FLI1: variants seen among roughly 807,000 people sequenced by gnomAD.
FLI1 encodes the protein Fli-1 proto-oncogene, ETS transcription factor, also known as Friend leukemia integration 1 transcription factor.
In FLI1, 13 loss-of-function variants were observed where a neutral mutation model predicts 53.1. The observed-to-expected ratio is 0.24, with a 90% CI of 0.16 to 0.39. FLI1 has a LOEUF of 0.39. Among genes scored for constraint, FLI1 ranks in the 10% least tolerant of loss-of-function variants. FLI1 has a pLI of 1.00. For synonymous variants in FLI1, 244 were observed against 236.7 expected (o/e 1.03, Z -0.28); for missense variants, 424 against 600.5 (o/e 0.71, Z 3.07).
At chr11:128,696,125 T>C (rs1938062714) in intron 1 of FLI1, 1 of 152,238 alleles carries the variant, frequency 6.6e-6, no homozygotes, top group South Asian at 2.1e-4. Flanking sequence ...GAGAACAGGC[T>C]TAGAGCAGGA....
chr11:128,743,195 C>T (rs895273190), intron 1 of FLI1, among the ~76,000 whole-genome samples: 39 of 151,952 alleles, frequency 2.6e-4, no homozygotes, highest in African/African-American at 9.0e-4. Context: ...CAAGACCAGC[C>T]TAGGCAACAT....
chr11:128,696,282 T>C (rs926352850), intron 1 of FLI1, among the ~76,000 whole-genome samples: 2 of 152,226 alleles, frequency 1.3e-5, no homozygotes, highest in Admixed American at 1.3e-4. Flanking sequence ...CAGAGCTACC[T>C]TCAGTCTCCA....
intron 2 of FLI1, among the ~76,000 whole-genome samples, chr11:128,760,441 A>G (rs1941063361): frequency 6.6e-6 from 1 of 150,950 alleles, no homozygotes; most frequent in African/African-American, 2.4e-5. Context: ...GGCCTATTCT[A>G]CGATGCCTCC....
intron 2 of FLI1, among the ~76,000 whole-genome samples, chr11:128,764,037 C>A (rs750349210): frequency 6.6e-6 from 1 of 152,192 alleles, no homozygotes; most frequent in Non-Finnish European, 1.5e-5. Context: ...AGGCAGCCCG[C>A]GAGGCCTCAC....
chr11:128,710,438 C>T (rs1398863380), intron 1 of FLI1, among the ~76,000 whole-genome samples: 3 of 152,112 alleles, frequency 2.0e-5, no homozygotes, highest in Non-Finnish European at 4.4e-5. Context: ...ACTGCTCAAA[C>T]ACTAGTCTGT....
chr11:128,694,581 C>CGGG (rs1937950264), intron 1 of FLI1, among the ~76,000 whole-genome samples: 1 of 152,000 alleles, frequency 6.6e-6, no homozygotes, highest in Non-Finnish European at 1.5e-5. Flanking sequence ...CGGGGGACCC[C>CGGG]AGGGTACGGA....
intron 4 of FLI1, among the ~76,000 whole-genome samples, chr11:128,778,539 G>A (rs1301680750): frequency 2.0e-5 from 3 of 152,212 alleles, no homozygotes; most frequent in Non-Finnish European, 4.4e-5. Flanking sequence ...GTGTGATCCT[G>A]GGAAAATGAT....
At chr11:128,690,890 G>C (rs1456146386), upstream of FLI1, among the ~76,000 whole-genome samples, 2 of 152,188 alleles carry the variant, frequency 1.3e-5, no homozygotes, top group East Asian at 1.9e-4. Context: ...ACTCATACCA[G>C]CTCCTGTTCA....
At chr11:128,724,855 C>G (rs1332861112) in intron 1 of FLI1, among the ~76,000 whole-genome samples, 1 of 152,170 alleles carries the variant, frequency 6.6e-6, no homozygotes, top group African/African-American at 2.4e-5. Flanking sequence ...CATTTCCCTT[C>G]CTTGGTAATA....
intron 1 of FLI1, among the ~76,000 whole-genome samples, chr11:128,719,835 T>C (rs1939182776): frequency 6.6e-6 from 1 of 152,146 alleles, no homozygotes; most frequent in Non-Finnish European, 1.5e-5. Context: ...ACAAGGGACA[T>C]GGAAAACCCA....
At chr11:128,744,818 T>C (rs1940306280) in intron 1 of FLI1, among the ~76,000 whole-genome samples, 4 of 152,112 alleles carry the variant, frequency 2.6e-5, no homozygotes, top group South Asian at 4.1e-4. Flanking sequence ...GTAGGAGAGA[T>C]AGAACATAAA....
At chr11:128,780,066 G>A (rs1316276810) in intron 4 of FLI1, among the ~76,000 whole-genome samples, 3 of 152,098 alleles carry the variant, frequency 2.0e-5, no homozygotes, top group African/African-American at 7.2e-5. Context: ...TCATTTTTTG[G>A]TGTGTGACTA....
chr11:128,759,392 A>G (rs1360335200), intron 2 of FLI1, among the ~76,000 whole-genome samples: 1 of 152,244 alleles, frequency 6.6e-6, no homozygotes, highest in Non-Finnish European at 1.5e-5. Context: ...GTGACTTAAG[A>G]CTAGCGAGCT....
At chr11:128,767,084 A>G (rs1368122823) in intron 2 of FLI1, among the ~76,000 whole-genome samples, 1 of 152,088 alleles carries the variant, frequency 6.6e-6, no homozygotes, top group African/African-American at 2.4e-5. Context: ...GAGGGCATGC[A>G]GAGTGTGTTT....
upstream of FLI1, among the ~76,000 whole-genome samples, chr11:128,690,270 G>A (rs544373684): frequency 1.3e-5 from 2 of 152,168 alleles, no homozygotes; most frequent in Non-Finnish European, 2.9e-5. Flanking sequence ...TTGCCAGCTC[G>A]GATACCCGCT....
chr11:128,711,237 A>G (rs986053291), intron 1 of FLI1, among the ~76,000 whole-genome samples: 6 of 152,268 alleles, frequency 3.9e-5, no homozygotes, highest in African/African-American at 1.4e-4. Flanking sequence ...ACAAGACTGC[A>G]TCATTCAAGT....
chr11:128,703,561 T>G (rs1938425103), intron 1 of FLI1, among the ~76,000 whole-genome samples: 1 of 152,014 alleles, frequency 6.6e-6, no homozygotes, highest in Non-Finnish European at 1.5e-5. Flanking sequence ...TCCAAAATAT[T>G]GGGCCGGGCA....
chr11:128,730,317 T>G (rs945044106), intron 1 of FLI1, among the ~76,000 whole-genome samples: 26 of 152,330 alleles, frequency 1.7e-4, no homozygotes, highest in African/African-American at 5.8e-4. Context: ...ACTGCGGGTG[T>G]AGGCCACACG....
upstream of FLI1, among the ~76,000 whole-genome samples, chr11:128,689,577 C>A (rs936415924): frequency 2.6e-5 from 4 of 152,154 alleles, no homozygotes; most frequent in East Asian, 1.9e-4. Flanking sequence ...CGGCGGGTCT[C>A]GAAGCTGAGT....
Sources: allele counts gnomAD v4.1 joint callset (sites outside exome capture counted in the v4.1 genomes callset), GRCh38; gene constraint gnomAD v4.1.1; transcripts MANE v1.5; gene names NCBI Gene and HGNC (gene_info 2026-07-23, HGNC 2026-07-21).